RCOR1: variants seen among roughly 807,000 people sequenced by gnomAD.
The protein encoded by RCOR1 is REST corepressor.
In RCOR1, 12 loss-of-function variants were observed where a neutral mutation model predicts 64.0. That is an observed-to-expected ratio of 0.19 (90% confidence interval 0.12 to 0.30). The LOEUF is 0.30. Ranked by LOEUF, RCOR1 falls within the 10% of genes least tolerant of loss-of-function variation. The pLI is 1.00. For synonymous variants in RCOR1, 279 were observed against 227.2 expected (o/e 1.23, Z -2.05); for missense variants, 502 against 621.2 (o/e 0.81, Z 2.04).
rs181683713 is a variant in RCOR1, at chr14:102,636,224, A to C, written c.361+42899A>C. ...AAGTGCTGTGATGATAGGCGTGAGC[A>C]ACCACACCCGGCAGTGAGAAACTGT... On this transcript the variant is annotated intron_variant, in intron 2 of 11. Transcript: ENST00000262241. 3.1e-3 allele frequency among the ~76,000 whole-genome samples: 476 copies of C among 151,748 alleles called. 4 individuals carry two copies. Among genetic ancestry groups the C allele is most frequent in the Admixed American group, 7.4e-3 (112 of 15,216 alleles).
intron 5 of RCOR1, among the ~76,000 whole-genome samples, chr14:102,707,967 CT>C (rs35272192): frequency 0.35 from 44,087 of 127,066 alleles, 8,761 homozygotes; most frequent in African/African-American, 0.61. Context: ...TTTTTTGTAT[CT>C]TTTTTTTTTT....
In RCOR1 at chr14:102,677,014, G is replaced by A. The variant is rs1447762093; in HGVS notation, c.362-4881G>A. Among the ~76,000 whole-genome samples the A allele has an allele frequency of 2.1e-3, 239 of 113,712 alleles. 3 individuals carry two copies. The highest frequency in any genetic ancestry group is 3.5e-3 in the Admixed American group (44 of 12,616). 74.6% of individuals were successfully genotyped at this position (113,712 alleles called of 152,430 possible). A position where few individuals can be genotyped will look rare whatever the true frequency, so the allele number is the denominator to read the frequency against. On this transcript the variant is annotated intron_variant, in intron 2 of 11. Coordinates refer to ENST00000262241, the MANE Select transcript of RCOR1 (RefSeq NM_015156.4). ...GCGCCCCTCACCTCCCGGACGGGGC[G>A]GCCGGCCGGGCGGGGGGCTGACCCC...
chr14:102,617,714 C>T (rs561869109), intron 2 of RCOR1, among the ~76,000 whole-genome samples: 42 of 151,456 alleles, frequency 2.8e-4, no homozygotes, highest in South Asian at 1.2e-3. Context: ...CTCAGGCTCC[C>T]AAGTAGCTGG....
intron 3 of RCOR1, among the ~76,000 whole-genome samples, chr14:102,698,940 A>G (rs554584931): frequency 2.5e-4 from 38 of 150,834 alleles, no homozygotes; most frequent in Non-Finnish European, 4.6e-4. Context: ...TTTTTTTGAG[A>G]TGAAGTCTTG....
intron 4 of RCOR1, among the ~76,000 whole-genome samples, chr14:102,705,648 ATG>A (rs947262527): frequency 9.2e-5 from 14 of 151,968 alleles, no homozygotes; most frequent in Admixed American, 5.9e-4. Context: ...TCGTAGATTC[ATG>A]GTCTTGCTAA....
At chr14:102,708,442 A>G (rs746060492) in intron 5 of RCOR1, 23 bp from the exon 6 acceptor site, 10 of 1,270,870 alleles carry the variant, frequency 7.9e-6, no homozygotes, top group Admixed American at 3.4e-5. Context: ...ATTTAAATAA[A>G]CCAACTCATT....
chr14:102,658,613 A>G (rs1260578229), intron 2 of RCOR1: 2 of 985,230 alleles, frequency 2.0e-6, no homozygotes, highest in Admixed American at 1.2e-4. Context: ...TATGCTATGG[A>G]TTATCAGACC....
At chr14:102,657,272 G>A (rs1293677223) in intron 2 of RCOR1, 17 of 985,194 alleles carry the variant, frequency 1.7e-5, no homozygotes, top group Non-Finnish European at 2.0e-5. Flanking sequence ...CCACCTGTAT[G>A]TATGCTTTTG....
At chr14:102,684,433 T>G (rs2139963445) in intron 3 of RCOR1, among the ~76,000 whole-genome samples, 1 of 152,270 alleles carries the variant, frequency 6.6e-6, no homozygotes, top group South Asian at 2.1e-4. Flanking sequence ...CTTTATAGAA[T>G]ACATCTGTCT....
At chr14:102,646,479 A>T (rs190912940) in intron 2 of RCOR1, among the ~76,000 whole-genome samples, 2 of 152,348 alleles carry the variant, frequency 1.3e-5, no homozygotes, top group Admixed American at 6.5e-5. Flanking sequence ...GCAAGAAGGT[A>T]TAAAGTAGGG....
chr14:102,592,904 G>A lies in RCOR1; in HGVS notation c.18G>A (p.Glu6=). 8.1e-7 allele frequency: 1 copy of A among 1,237,264 alleles called. No individual in the cohort carries two copies. The highest frequency in any genetic ancestry group is 2.3e-5 in the South Asian group (1 of 42,860). The allele number at this position is 1,237,264 out of a possible 1,614,324, so 76.6% of individuals were successfully genotyped here. The change falls in exon 1 of 12, where the codon GAG becomes GAA. Residue 6 remains glutamate, a synonymous_variant. Coordinates refer to ENST00000262241, the MANE Select transcript of RCOR1 (RefSeq NM_015156.4). MPAMV[E]KGPEVSGKRR... ...CCCCGCCGATGCCGGCCATGGTGGA[G>A]AAGGGCCCCGAGGTCTCAGGGAAGC...
intron 2 of RCOR1, among the ~76,000 whole-genome samples, chr14:102,653,693 G>C (rs1894642013): frequency 6.6e-6 from 1 of 151,900 alleles, no homozygotes; most frequent in Non-Finnish European, 1.5e-5. Flanking sequence ...CGGGCGATCG[G>C]GTCGTCTAAA....
chr14:102,609,025 CTTT>C (rs1004210046), intron 2 of RCOR1, among the ~76,000 whole-genome samples: 2 of 106,990 alleles, frequency 1.9e-5, no homozygotes, highest in African/African-American at 3.5e-5. Flanking sequence ...CTGTGCTTCA[CTTT>C]TTTTTTTTTT....
At chr14:102,670,062 G>A (rs1468573401) in intron 2 of RCOR1, among the ~76,000 whole-genome samples, 3 of 151,900 alleles carry the variant, frequency 2.0e-5, no homozygotes, top group African/African-American at 4.8e-5. Context: ...GCAATTCTCC[G>A]GCCTCAGCCT....
At chr14:102,649,287 C>G (rs990957083) in intron 2 of RCOR1, among the ~76,000 whole-genome samples, 2 of 152,102 alleles carry the variant, frequency 1.3e-5, no homozygotes, top group African/African-American at 4.8e-5. Context: ...TGCCATAACA[C>G]TGAACTTAGG....
intron 2 of RCOR1, among the ~76,000 whole-genome samples, chr14:102,624,935 A>G (rs568046927): frequency 3.9e-5 from 6 of 152,164 alleles, no homozygotes; most frequent in South Asian, 4.2e-4. Flanking sequence ...CAGTGGCACA[A>G]TCATGGCTCA....
At chr14:102,657,610 G>A (rs1321457332) in intron 2 of RCOR1, 23 of 824,838 alleles carry the variant, frequency 2.8e-5, no homozygotes, top group Non-Finnish European at 3.2e-5. Context: ...GGCCAAGGCG[G>A]GCAGATCACT....
At chr14:102,649,271 C>T (rs971735680) in intron 2 of RCOR1, among the ~76,000 whole-genome samples, 4 of 152,046 alleles carry the variant, frequency 2.6e-5, no homozygotes, top group Admixed American at 6.6e-5. Flanking sequence ...TCATAAACTA[C>T]GAGAGTGCCA....
chr14:102,658,809 T>C (rs2031400786), intron 2 of RCOR1: 1 of 271,388 alleles, frequency 3.7e-6, no homozygotes, highest in African/African-American at 2.3e-5. Context: ...TCTCCCCAGT[T>C]TGCTGTTTTT....
Sources: gnomAD v4.1 joint callset for allele counts (sites outside exome capture counted in the v4.1 genomes callset) on GRCh38, gnomAD v4.1.1 for gene constraint, MANE v1.5 for transcripts, NCBI Gene and HGNC (gene_info 2026-07-23, HGNC 2026-07-21) for gene names.